Variants in ZFAND3 observed in about 807,000 individuals in gnomAD.
ZFAND3 encodes AN1-type zinc finger protein 3.
In ZFAND3, 10 loss-of-function variants were observed where a neutral mutation model predicts 29.6. The ratio of observed to expected loss-of-function variants is 0.34; its 90% CI spans 0.21 to 0.57. The LOEUF is 0.57. Ranked by LOEUF, ZFAND3 falls within the 20% of genes least tolerant of loss-of-function variation. ZFAND3 has a pLI of 0.86. For synonymous variants in ZFAND3, 128 were observed against 112.6 expected (o/e 1.14, Z -0.87); for missense variants, 230 against 304.5 (o/e 0.76, Z 1.82).
intron 5 of ZFAND3, among the ~76,000 whole-genome samples, chr6:38,146,507 C>G (rs1480638292): frequency 6.6e-6 from 1 of 152,184 alleles, no homozygotes. Context: ...GACGCCCACA[C>G]AAGTTCTTCA....
At chr6:37,878,335 C>T (rs1764831561) in intron 1 of ZFAND3, among the ~76,000 whole-genome samples, 1 of 152,208 alleles carries the variant, frequency 6.6e-6, no homozygotes, top group South Asian at 2.1e-4. Flanking sequence ...GAGCCCTATC[C>T]TGAATGAGTT....
intron 1 of ZFAND3, among the ~76,000 whole-genome samples, chr6:37,876,686 G>C (rs570226472): frequency 1.3e-5 from 2 of 152,152 alleles, no homozygotes; most frequent in Non-Finnish European, 2.9e-5. Flanking sequence ...CATGGTGTGT[G>C]TCTTAGTCTG....
At chr6:37,844,941 A>G (rs1764150630) in intron 1 of ZFAND3, among the ~76,000 whole-genome samples, 1 of 151,108 alleles carries the variant, frequency 6.6e-6, no homozygotes, top group African/African-American at 2.4e-5. Flanking sequence ...AGAGAATGGC[A>G]TGAACCCAGA....
intron 1 of ZFAND3, among the ~76,000 whole-genome samples, chr6:37,846,914 T>C (rs1317325663): frequency 1.3e-5 from 2 of 152,032 alleles, no homozygotes; most frequent in Admixed American, 1.3e-4. Context: ...GGTTTCACCA[T>C]GTTAGCCAGG....
chr6:37,906,231 C>T (rs991032472), intron 1 of ZFAND3, among the ~76,000 whole-genome samples: 13 of 152,098 alleles, frequency 8.5e-5, no homozygotes, highest in African/African-American at 3.1e-4. Context: ...CTTGCAGCCA[C>T]TAATCTATTT....
intron 1 of ZFAND3, among the ~76,000 whole-genome samples, chr6:37,889,679 A>G (rs1020273299): frequency 1.3e-5 from 2 of 152,224 alleles, no homozygotes. Flanking sequence ...CCTCTTGGTG[A>G]GTCCTGGAAT....
At chr6:37,918,769 G>T (rs945633417) in intron 1 of ZFAND3, among the ~76,000 whole-genome samples, 1 of 151,988 alleles carries the variant, frequency 6.6e-6, no homozygotes, top group African/African-American at 2.4e-5. Context: ...CATAAATGTT[G>T]TTGTTCTCCC....
At chr6:37,895,086 CA>C (rs1765174591) in intron 1 of ZFAND3, among the ~76,000 whole-genome samples, 3 of 152,134 alleles carry the variant, frequency 2.0e-5, no homozygotes, top group Admixed American at 6.5e-5. Flanking sequence ...ATTATTTCTT[CA>C]AAAAATTTTT....
At chr6:37,909,267 T>C (rs1351068914) in intron 1 of ZFAND3, among the ~76,000 whole-genome samples, 1 of 143,322 alleles carries the variant, frequency 7.0e-6, no homozygotes, top group Admixed American at 6.8e-5. Flanking sequence ...AGATTTTTTT[T>C]CTTTTTTTCT....
chr6:38,144,241 T>TA (rs1382870303), intron 5 of ZFAND3, among the ~76,000 whole-genome samples: 1 of 129,042 alleles, frequency 7.7e-6, no homozygotes, highest in African/African-American at 3.0e-5. Flanking sequence ...ATTTTTTTTT[T>TA]AATAAGGTTG....
At chr6:38,094,199 A>G (rs575791142) in intron 4 of ZFAND3, among the ~76,000 whole-genome samples, 10 of 152,276 alleles carry the variant, frequency 6.6e-5, no homozygotes, top group African/African-American at 2.4e-4. Flanking sequence ...GGTATAAGGA[A>G]GGAACTATTG....
chr6:38,028,049 T>C (rs534347720), intron 2 of ZFAND3, among the ~76,000 whole-genome samples: 1 of 152,356 alleles, frequency 6.6e-6, no homozygotes, highest in African/African-American at 2.4e-5. Flanking sequence ...GCACATTTGC[T>C]ACAAGAATAT....
chr6:37,824,757 G>T (rs186862178), intron 1 of ZFAND3, among the ~76,000 whole-genome samples: 1 of 152,242 alleles, frequency 6.6e-6, no homozygotes, highest in African/African-American at 2.4e-5. Flanking sequence ...TATCATATGG[G>T]TTCATTTTCT....
chr6:37,829,133 G>T (rs1008277147), intron 1 of ZFAND3, among the ~76,000 whole-genome samples: 1 of 151,958 alleles, frequency 6.6e-6, no homozygotes, highest in African/African-American at 2.4e-5. Flanking sequence ...ATTCTCTTAC[G>T]AAGTGGAGAA....
intron 2 of ZFAND3, among the ~76,000 whole-genome samples, chr6:37,939,432 T>C (rs145049012): frequency 2.0e-5 from 3 of 152,326 alleles, no homozygotes; most frequent in Admixed American, 1.3e-4. Context: ...CTCAGTCTTA[T>C]CCCGGATTAT....
At chr6:38,137,228 T>C (rs1765859093) in intron 5 of ZFAND3, among the ~76,000 whole-genome samples, 1 of 152,190 alleles carries the variant, frequency 6.6e-6, no homozygotes, top group East Asian at 1.9e-4. Context: ...AGAAAGGCAC[T>C]GTTAGGAAAG....
chr6:37,931,431 G>C (rs1272841537), intron 2 of ZFAND3, among the ~76,000 whole-genome samples: 1 of 151,972 alleles, frequency 6.6e-6, no homozygotes, highest in Non-Finnish European at 1.5e-5. Flanking sequence ...TGTAGTCCCA[G>C]CTACTCCGGA....
chr6:37,912,959 A>G (rs1765549446), intron 1 of ZFAND3, among the ~76,000 whole-genome samples: 1 of 152,246 alleles, frequency 6.6e-6, no homozygotes, highest in Non-Finnish European at 1.5e-5. Flanking sequence ...TGTTTATACC[A>G]TACTGCAGTC....
chr6:37,856,826 AT>A (rs1168827663), intron 1 of ZFAND3, among the ~76,000 whole-genome samples: 4 of 151,764 alleles, frequency 2.6e-5, no homozygotes, highest in East Asian at 3.9e-4. Context: ...TTTTATTTTT[AT>A]TTTTTTTGAG....
Sources: allele counts gnomAD v4.1 joint callset (sites outside exome capture counted in the v4.1 genomes callset), GRCh38; gene constraint gnomAD v4.1.1; transcripts MANE v1.5; gene names NCBI Gene and HGNC (gene_info 2026-07-23, HGNC 2026-07-21).